The following ZNF227 variants were observed in gnomAD, a reference collection of about 807,000 sequenced individuals.
ZNF227 encodes the protein zinc finger protein 227.
A neutral mutation model predicts 13.2 loss-of-function variants in ZNF227; 12 were observed. That is an observed-to-expected ratio of 0.91 (90% CI 0.58 to 1.47). ZNF227 has a LOEUF of 1.47. Among genes scored for constraint, ZNF227 ranks in the 40% most tolerant of loss-of-function variants. The probability of loss-of-function intolerance (pLI) is 0.00; values close to 1 mark genes in which losing one functional copy is unlikely to be tolerated. For missense variants in ZNF227, 885 were observed against 967.5 expected, an observed-to-expected ratio of 0.91 and a Z score of 1.13; for synonymous variants, 338 against 326.0, an observed-to-expected ratio of 1.04 and a Z score of -0.40.
chr19:44,219,965 G>A (rs554271448), intron 3 of ZNF227, among the ~76,000 whole-genome samples: 5 of 150,996 alleles, frequency 3.3e-5, no homozygotes, highest in Admixed American at 2.6e-4. Context: ...GGAGTGTGAT[G>A]TTCCCCTTCC....
At chr19:44,215,903 G>A (rs879751668) in intron 2 of ZNF227, among the ~76,000 whole-genome samples, 4 of 148,248 alleles carry the variant, frequency 2.7e-5, no homozygotes, top group Middle Eastern at 3.3e-3. Context: ...TGGGAGAATC[G>A]CTTGAACCTG....
rs1429587182 is a variant in ZNF227 at position 44,234,860 on chromosome 19, A to C, written c.430A>C (p.Ile144Leu). ...KSSQLLQGDS[I>L]QVSENENNIM... is the part of the protein sequence containing the mutation. Reference sequence around the variant, plus strand: ...TTCCCAGTTATTACAAGGTGACTCTATTCAGGTTTCTGAAAATGAGAACAA... The same window carrying C: ...TTCCCAGTTATTACAAGGTGACTCTCTTCAGGTTTCTGAAAATGAGAACAA... Residue 144 changes from isoleucine (I) to leucine (L), a missense_variant, in exon 6 of 6, where the codon ATT (isoleucine) becomes CTT (leucine). Transcript: ENST00000313040. 6.2e-7 allele frequency: 1 copy of C among 1,613,882 alleles called. No individual in the cohort carries two copies. The highest frequency in any genetic ancestry group is 8.5e-7 in the Non-Finnish European group (1 of 1,179,998).
In ZNF227 at chr19:44,235,957, C is replaced by G. The variant is rs760483175; in HGVS notation, c.1527C>G (p.Val509=). ...KGFSQASNLQ[V]HQNVHTGEKR... ...TCAGTCAGGCTTCAAATCTTCAAGT[C>G]CATCAGAATGTCCACACTGGGGAGA... Residue 509 remains valine, a synonymous_variant, in exon 6 of 6, where the codon GTC becomes GTG. Transcript: ENST00000313040. 1.2e-6 allele frequency: 2 copies of G among 1,613,564 alleles called. No homozygotes were observed. Among genetic ancestry groups the G allele is most frequent in the East Asian group, 2.2e-5 (1 of 44,818 alleles).
chr19:44,229,765 C>A lies in ZNF227; in HGVS notation c.220C>A (p.Gln74Lys). 6.3e-7 allele frequency: 1 copy of A among 1,589,676 alleles called. No individual in the cohort carries two copies. The change falls in exon 5 of 6, where the codon CAA (glutamine) becomes AAA (lysine). Residue 74 changes from glutamine to lysine, a missense_variant. By Grantham distance (53) the Gln-to-Lys change is moderately conservative. Transcript: ENST00000313040. Reference sequence around the variant, plus strand: ...TCCCTTCCAACCAGATATGGTATCCCAATTGGAAGCAGAAGAAAAGCTTTG... The same window carrying A: ...TCCCTTCCAACCAGATATGGTATCCAAATTGGAAGCAGAAGAAAAGCTTTG... ...HLPFQPDMVS[Q>K]LEAEEKLWMM...
chr19:44,218,894 T>G (rs948746421), intron 3 of ZNF227, among the ~76,000 whole-genome samples: 1 of 152,212 alleles, frequency 6.6e-6, no homozygotes, highest in African/African-American at 2.4e-5. Context: ...ATGTTACCTT[T>G]TTATTCTTTT....
At position 44,213,132 on chromosome 19, in the gene ZNF227, G is replaced by C. The variant is rs904052666; in HGVS notation, c.-115G>C. The C allele has an allele frequency of 6.6e-6, 1 of 151,732 alleles. No homozygotes were observed. The highest frequency in any genetic ancestry group is 1.5e-5 in the Non-Finnish European group (1 of 67,960). The allele number at this position is 151,732 out of a possible 1,614,324, so 9.4% of individuals were successfully genotyped here. A position where few individuals can be genotyped will look rare whatever the true frequency, so the allele number is the denominator to read the frequency against. On this transcript the variant is annotated 5_prime_UTR_variant, in exon 2 of 6. Transcript: ENST00000313040. ...CCAATGCGTGGGGATGTTTACCGCC[G>C]TTTATCCGGGATAGAGACTCCATCG...
Position 44,225,729 on chromosome 19 carries a change from G to A in ZNF227, c.61-2717G>A, listed in dbSNP as rs191258500. On this transcript the variant is annotated intron_variant, in intron 3 of 5. Coordinates refer to ENST00000313040, the MANE Select transcript of ZNF227 (RefSeq NM_182490.3). ...TTGTTTGAATTTCCTCCTGAAGCTC[G>A]GAGTAGTTTGATCGTCTGAAGCCTT... Among the ~76,000 whole-genome samples the A allele has an allele frequency of 1.9e-3, 291 of 152,232 alleles. 1 individual carries two copies. Among genetic ancestry groups the A allele is most frequent in the Middle Eastern group, 0.014 (4 of 294 alleles).
At chr19:44,211,024 T>C (rs1971339081), upstream of ZNF227, among the ~76,000 whole-genome samples, 2 of 151,966 alleles carry the variant, frequency 1.3e-5, no homozygotes, top group Admixed American at 6.6e-5. Context: ...CAAAACCCCG[T>C]CTCTACTAAA....
Position 44,236,866 on chromosome 19 carries a change from C to A in ZNF227, c.*36C>A. 6.6e-7 allele frequency: 1 copy of A among 1,518,224 alleles called. No individual in the cohort carries two copies. Among genetic ancestry groups the A allele is most frequent in the Non-Finnish European group, 8.8e-7 (1 of 1,132,310 alleles). 94.0% of individuals were successfully genotyped at this position (1,518,224 alleles called of 1,614,324 possible). A position where few individuals can be genotyped will look rare whatever the true frequency, so the allele number is the denominator to read the frequency against. On this transcript the variant is annotated 3_prime_UTR_variant, in exon 6 of 6. Coordinates refer to ENST00000313040, the MANE Select transcript of ZNF227 (RefSeq NM_182490.3). Reference sequence around the variant, plus strand: ...TGTGTTACCAACTTTTGTCTGAATGCACATCTTCAAGTTTTTGGCTAGTCC... The same window carrying A: ...TGTGTTACCAACTTTTGTCTGAATGAACATCTTCAAGTTTTTGGCTAGTCC...
At chr19:44,231,703 T>C (rs1973862397) in intron 5 of ZNF227, among the ~76,000 whole-genome samples, 1 of 152,222 alleles carries the variant, frequency 6.6e-6, no homozygotes, top group Admixed American at 6.5e-5. Flanking sequence ...ATCACATCCC[T>C]TTTACTCAGA....
At chr19:44,213,946 C>G (rs531147552) in intron 2 of ZNF227, among the ~76,000 whole-genome samples, 1 of 152,110 alleles carries the variant, frequency 6.6e-6, no homozygotes, top group East Asian at 1.9e-4. Flanking sequence ...CCATGTGTGC[C>G]CTAGGAGCAC....
At chr19:44,228,340 G>GGAATCT in intron 3 of ZNF227, 106 bp from the exon 4 acceptor site, 1 of 1,324,476 alleles carries the variant, frequency 7.6e-7, no homozygotes, top group Non-Finnish European at 1.0e-6. Flanking sequence ...GAGATCTCTT[G>GGAATCT]GAATCTATAA....
chr19:44,233,662 G>T lies in ZNF227; in HGVS notation c.272-1040G>T, dbSNP rs555296898. Among the ~76,000 whole-genome samples the T allele has an allele frequency of 3.9e-5, 6 of 152,264 alleles. No homozygotes were observed. In the East Asian group the frequency reaches 9.7e-4, roughly 25 times the overall value. On this transcript the variant is annotated intron_variant, in intron 5 of 5. Coordinates refer to ENST00000313040, the MANE Select transcript of ZNF227 (RefSeq NM_182490.3). ...TGTAATCCCAGCACTCTGGGAGGCC[G>T]AGGTGGGCAGATTACTTGAGGTCGG...
At chr19:44,211,201 T>TAACAAC (rs72041965), upstream of ZNF227, among the ~76,000 whole-genome samples, 17 of 148,148 alleles carry the variant, frequency 1.1e-4, no homozygotes, top group African/African-American at 2.0e-4. Flanking sequence ...AAACTCTGTC[T>TAACAAC]AACAACAACA....
At chr19:44,228,619 T>C in intron 4 of ZNF227, 47 bp downstream of exon 4, 1 of 1,553,070 alleles carries the variant, frequency 6.4e-7, no homozygotes, top group African/African-American at 1.4e-5. Context: ...CCCTTGAGAA[T>C]CTCTTTGCTC....
chr19:44,235,356 G>A lies in ZNF227; in HGVS notation c.926G>A (p.Ser309Asn). The A allele has an allele frequency of 6.2e-7, 1 of 1,614,186 alleles. No homozygotes were observed. The change falls in exon 6 of 6, where the codon AGC becomes AAC. Residue 309 changes from serine to asparagine, a missense_variant. Coordinates refer to ENST00000313040, the MANE Select transcript of ZNF227 (RefSeq NM_182490.3). ...CHESGDCFNK[S>N]SFHSYQSNHT... ...GAATCTGGTGATTGCTTCAATAAGAGCTCTTTTCATTCTTATCAATCTAAT... is the reference window on the plus strand; with the variant it reads ...GAATCTGGTGATTGCTTCAATAAGAACTCTTTTCATTCTTATCAATCTAAT...
chr19:44,229,805 A>C lies in ZNF227; in HGVS notation c.260A>C (p.Glu87Ala). 3 of 1,569,104 alleles carry C rather than the reference A, an allele frequency of 1.9e-6. No homozygotes were observed. The highest frequency in any genetic ancestry group is 2.6e-6 in the Non-Finnish European group (3 of 1,150,774). ...GAAAAGCTTTGGATGATGGAAACAG[A>C]AACCCAAAGAAGTAGGTATTCTGGT... ...AEEKLWMMET[E>A]TQRSSKHQNK... The change falls in exon 5 of 6, where the codon GAA becomes GCA. Residue 87 changes from glutamate (E) to alanine (A), a missense_variant. Transcript: ENST00000313040.
chr19:44,227,120 A>G (rs752985925), intron 3 of ZNF227: 3 of 152,240 alleles, frequency 2.0e-5, no homozygotes, highest in Non-Finnish European at 4.4e-5. Flanking sequence ...GACAAAAGAG[A>G]TGATAAAGAT....
chr19:44,230,922 AAAAAATATATATAT>A (rs1973725485), intron 5 of ZNF227, among the ~76,000 whole-genome samples: 1 of 107,152 alleles, frequency 9.3e-6, no homozygotes, highest in Non-Finnish European at 1.6e-5. Context: ...AAAAAAAAAA[AAAAAATATATATAT>A]ATATATATAT....
Sources: gnomAD v4.1 joint callset for allele counts (sites outside exome capture counted in the v4.1 genomes callset) on GRCh38, gnomAD v4.1.1 for gene constraint, MANE v1.5 for transcripts, NCBI Gene and HGNC (gene_info 2026-07-23, HGNC 2026-07-21) for gene names.